ADGRD1: variants seen among roughly 807,000 people sequenced by gnomAD.
The protein encoded by ADGRD1 is G-protein coupled receptor 133.
A neutral mutation model predicts 113.4 loss-of-function variants in ADGRD1; 77 were observed. That is an observed-to-expected ratio of 0.68 (90% CI 0.57 to 0.82). The LOEUF is 0.82. ADGRD1 is among the 40% of genes least tolerant of loss of function. ADGRD1 has a pLI of 0.00. For missense variants in ADGRD1, 1,036 were observed against 1,139.1 expected (o/e 0.91, Z 1.30); for synonymous variants, 474 against 475.0 (o/e 1.00, Z 0.03).
At chr12:131,070,399 G>A (rs955661945) in intron 13 of ADGRD1, 63 of 162,184 alleles carry the variant, frequency 3.9e-4, no homozygotes, top group Admixed American at 3.7e-3. Flanking sequence ...AGACAGAGAC[G>A]AAGGGCAGCG....
chr12:131,008,218 C>T (rs1253876180), intron 12 of ADGRD1, among the ~76,000 whole-genome samples: 1 of 152,216 alleles, frequency 6.6e-6, no homozygotes, highest in African/African-American at 2.4e-5. Flanking sequence ...GGCATTTGTG[C>T]CATTTTGCCT....
At chr12:131,123,142 T>C (rs1000882294) in intron 20 of ADGRD1, among the ~76,000 whole-genome samples, 10 of 143,076 alleles carry the variant, frequency 7.0e-5, no homozygotes, top group Non-Finnish European at 1.4e-4. Flanking sequence ...CTGCAACCTC[T>C]GCTTCCCAGG....
chr12:130,993,577 G>A (rs1217713006), intron 8 of ADGRD1, among the ~76,000 whole-genome samples: 1 of 152,120 alleles, frequency 6.6e-6, no homozygotes, highest in Non-Finnish European at 1.5e-5. Flanking sequence ...CAGAGACCTG[G>A]CTTTGACCCC....
At chr12:131,119,592 G>A (rs939927207) in intron 19 of ADGRD1, among the ~76,000 whole-genome samples, 1 of 152,206 alleles carries the variant, frequency 6.6e-6, no homozygotes, top group African/African-American at 2.4e-5. Flanking sequence ...CCAGGTTCAG[G>A]AAGCTCACCA....
Position 130,971,319 on chromosome 12 carries a change from TATATG to T in ADGRD1, c.188-136_188-132del. 2 of 426,114 alleles carry T rather than the reference TATATG, an allele frequency of 4.7e-6. No individual in the cohort carries two copies. Among genetic ancestry groups the T allele is most frequent in the Non-Finnish European group, 8.3e-6 (2 of 239,588 alleles). The allele number at this position is 426,114 out of a possible 1,614,324, so 26.4% of individuals were successfully genotyped here. On this transcript the variant is annotated intron_variant, in intron 3 of 24. Transcript: ENST00000261654. This position sits in a 1 kb window ranked among gnomAD's most constrained non-coding sequence, Gnocchi z 4.2. Reference sequence around the variant, plus strand: ...TGCTATGAATATTATCATAGAATAATATATGATGTTATAAATATATACTTAGATAA... The same window carrying T: ...TGCTATGAATATTATCATAGAATAATATGTTATAAATATATACTTAGATAA...
chr12:131,019,035 C>T (rs570906363), intron 13 of ADGRD1, among the ~76,000 whole-genome samples: 7 of 152,308 alleles, frequency 4.6e-5, no homozygotes, highest in Non-Finnish European at 8.8e-5. Flanking sequence ...AGCCTGTGCC[C>T]GGGTGTGCAC....
intron 23 of ADGRD1, 150 bp from the exon 24 acceptor site, chr12:131,137,987 T>G: frequency 1.5e-6 from 1 of 662,118 alleles, no homozygotes; most frequent in South Asian, 1.7e-5. Context: ...GATGCACAGC[T>G]CAGCTGTGGA....
chr12:130,991,170 G>C, intron 7 of ADGRD1, 92 bp downstream of exon 7: 2 of 1,003,876 alleles, frequency 2.0e-6, no homozygotes, highest in Non-Finnish European at 3.1e-6. Context: ...AGGTGTCTGG[G>C]CTCTCTGTTA....
intron 19 of ADGRD1, among the ~76,000 whole-genome samples, chr12:131,118,720 C>T (rs1197435671): frequency 6.6e-6 from 1 of 152,190 alleles, no homozygotes; most frequent in East Asian, 1.9e-4. Flanking sequence ...GGAGTTTCTG[C>T]TTGGAAATGT....
intron 17 of ADGRD1, among the ~76,000 whole-genome samples, chr12:131,106,953 G>A (rs1950245546): frequency 6.6e-6 from 1 of 152,188 alleles, no homozygotes; most frequent in East Asian, 1.9e-4. Context: ...TCAGAATGCT[G>A]TATTTCTATC....
chr12:130,987,468 G>A, intron 6 of ADGRD1, 119 bp downstream of exon 6: 10 of 1,108,630 alleles, frequency 9.0e-6, no homozygotes, highest in Non-Finnish European at 1.0e-5. Context: ...CGTGAGATGT[G>A]TCCTAATGAA....
Position 131,118,418 on chromosome 12 carries a change from C to T in ADGRD1, c.2075C>T (p.Ser692Leu). 1.2e-6 allele frequency: 2 copies of T among 1,612,472 alleles called. No homozygotes were observed. Among genetic ancestry groups the T allele is most frequent in the South Asian group, 1.1e-5 (1 of 90,714 alleles). ...FPLLICIISL[S>L]FAMDSYGTSN... ...CTTCTGATCTGCATCATTTCACTGTCATTTGCCATGGACAGTTACGGAACA... is the reference window on the plus strand; with the variant it reads ...CTTCTGATCTGCATCATTTCACTGTTATTTGCCATGGACAGTTACGGAACA... The change falls in exon 19 of 25, where the codon TCA becomes TTA. Residue 692 changes from serine (S) to leucine (L), a missense_variant. Coordinates refer to ENST00000261654, the MANE Select transcript of ADGRD1 (RefSeq NM_198827.5).
intron 9 of ADGRD1, chr12:131,002,615 G>A (rs1481088111): frequency 9.4e-7 from 1 of 1,063,536 alleles, no homozygotes; most frequent in Non-Finnish European, 1.1e-6. Flanking sequence ...CTGCTTTCTT[G>A]GGGGCAGTGT....
At chr12:131,076,980 A>G (rs1885672555) in intron 14 of ADGRD1, 106 bp downstream of exon 14, 3 of 937,936 alleles carry the variant, frequency 3.2e-6, no homozygotes, top group Non-Finnish European at 5.3e-6. Context: ...TGCAGCTGAC[A>G]TGGTTGCGTT....
In ADGRD1 at chr12:131,108,752, T is replaced by A. The variant is rs1176175052; in HGVS notation, c.1916T>A (p.Leu639Gln). Residue 639 changes from leucine to glutamine, a missense_variant, in exon 18 of 25, where the codon CTA becomes CAA. Physicochemically the swap from Leu to Gln is moderately radical, Grantham distance 113. Transcript: ENST00000261654. ...CCCTGCCAAGTGATGGCCGTGCTCC[T>A]ACACTACTTCTTCCTGAGTGCCTTC... ...TTPCQVMAVL[L>Q]HYFFLSAFAW... The A allele has an allele frequency of 6.2e-7, 1 of 1,614,012 alleles. No individual in the cohort carries two copies. Among genetic ancestry groups the A allele is most frequent in the Admixed American group, 1.7e-5 (1 of 60,000 alleles).
At chr12:131,087,506 C>G (rs572691004) in intron 15 of ADGRD1, among the ~76,000 whole-genome samples, 1 of 152,224 alleles carries the variant, frequency 6.6e-6, no homozygotes, top group African/African-American at 2.4e-5. Flanking sequence ...CCTTGCGTGC[C>G]GGGGCTTTCC....
intron 4 of ADGRD1, chr12:130,978,408 C>T (rs1299555903): frequency 2.6e-5 from 4 of 152,032 alleles, no homozygotes; most frequent in African/African-American, 9.7e-5. Context: ...GGATTCAGTG[C>T]TTATAACAAG....
intron 8 of ADGRD1, among the ~76,000 whole-genome samples, chr12:130,999,999 G>C (rs1876135427): frequency 6.6e-6 from 1 of 152,132 alleles, no homozygotes; most frequent in African/African-American, 2.4e-5. Context: ...ACGTCAGTTT[G>C]GTTTCTCGCC....
chr12:130,966,147 T>C lies in ADGRD1; in HGVS notation c.104-316T>C, dbSNP rs1365140692. 2.0e-5 allele frequency among the ~76,000 whole-genome samples: 3 copies of C among 152,232 alleles called. No individual in the cohort carries two copies. Among genetic ancestry groups the C allele is most frequent in the Non-Finnish European group, 4.4e-5 (3 of 68,044 alleles). On this transcript the variant is annotated intron_variant, in intron 2 of 24. Transcript: ENST00000261654. This position sits in a 1 kb window ranked among gnomAD's most constrained non-coding sequence, Gnocchi z 4.6. ...CAGCGGGATATGGAACATTCTTATC[T>C]TTTCCTGACATGAATGGGCAAGCTT...
Sources: gnomAD v4.1 joint callset for allele counts (sites outside exome capture counted in the v4.1 genomes callset) on GRCh38, gnomAD v4.1.1 for gene constraint, Gnocchi (gnomAD v3.1) non-coding constraint, MANE v1.5 for transcripts, NCBI Gene and HGNC (gene_info 2026-07-23, HGNC 2026-07-21) for gene names.